DLGAP1: variants seen among roughly 807,000 people sequenced by gnomAD.
The protein encoded by DLGAP1 is disks large-associated protein 1.
DLGAP1 carries 11 observed loss-of-function variants against 90.8 expected under a neutral mutation model. The observed-to-expected ratio is 0.12, with a 90% CI of 0.08 to 0.20. The LOEUF is 0.20. Ranked by LOEUF, DLGAP1 falls within the 10% of genes least tolerant of loss-of-function variation. The probability of loss-of-function intolerance (pLI) is 1.00; values close to 1 mark genes in which losing one functional copy is unlikely to be tolerated. For missense variants in DLGAP1, 1,050 were observed against 1,333.8 expected (o/e 0.79, Z 3.31); for synonymous variants, 558 against 540.7 (o/e 1.03, Z -0.44).
chr18:4,001,883 C>T (rs1036438108), intron 3 of DLGAP1, among the ~76,000 whole-genome samples: 1 of 152,142 alleles, frequency 6.6e-6, no homozygotes, highest in African/African-American at 2.4e-5. Flanking sequence ...CAGAGTGGCC[C>T]ACCAAGCCTT....
At chr18:4,291,671 A>T (rs2079852983) in intron 1 of DLGAP1, among the ~76,000 whole-genome samples, 1 of 152,186 alleles carries the variant, frequency 6.6e-6, no homozygotes, top group Non-Finnish European at 1.5e-5. Context: ...ATGAGAAATA[A>T]GATGCTATAT....
intron 4 of DLGAP1, among the ~76,000 whole-genome samples, chr18:3,848,127 C>CAAAAAAAAAAAAAAAAAAAA (rs3862177): frequency 6.2e-5 from 2 of 32,078 alleles, no homozygotes; most frequent in African/African-American, 1.7e-4. Flanking sequence ...GGCCCCGTCT[C>CAAAAAAAAAAAAAAAAAAAA]AAAAAAAAAA....
chr18:4,334,575 G>C (rs142539475), intron 1 of DLGAP1, among the ~76,000 whole-genome samples: 25 of 151,930 alleles, frequency 1.6e-4, no homozygotes, highest in African/African-American at 6.1e-4. Context: ...TTAGGGATGG[G>C]TCATGTGTCT....
At chr18:4,210,011 T>C (rs999650864) in intron 1 of DLGAP1, among the ~76,000 whole-genome samples, 2 of 152,236 alleles carry the variant, frequency 1.3e-5, no homozygotes, top group East Asian at 3.9e-4. Flanking sequence ...CATGCCCTAA[T>C]TCAGCTTAAA....
intron 5 of DLGAP1, among the ~76,000 whole-genome samples, chr18:3,799,617 G>C (rs534612099): frequency 6.6e-6 from 1 of 152,052 alleles, no homozygotes; most frequent in South Asian, 2.1e-4. Flanking sequence ...GCTAGACAGA[G>C]GCTTGCCAAG....
chr18:3,604,811 C>A (rs1397471207), intron 7 of DLGAP1, among the ~76,000 whole-genome samples: 2 of 152,162 alleles, frequency 1.3e-5, no homozygotes, highest in Non-Finnish European at 2.9e-5. Context: ...TGCAGTTTCA[C>A]CATTTAGAAA....
chr18:4,152,357 T>C (rs1201372308), intron 1 of DLGAP1, among the ~76,000 whole-genome samples: 3 of 152,134 alleles, frequency 2.0e-5, no homozygotes, highest in Admixed American at 1.3e-4. Context: ...ATTATAAGAA[T>C]TATAGTGCTT....
chr18:3,621,342 G>T (rs974430516), intron 7 of DLGAP1, among the ~76,000 whole-genome samples: 25 of 152,232 alleles, frequency 1.6e-4, no homozygotes, highest in African/African-American at 6.0e-4. Flanking sequence ...AAGAAGGCTT[G>T]AGGATAGGAG....
rs563365436 is a variant in DLGAP1, at chr18:3,768,470, G to A, written c.1173-25958C>T. Among the ~76,000 whole-genome samples, 20 of 152,188 alleles carry A rather than the reference G, an allele frequency of 1.3e-4. No individual in the cohort carries two copies. In the South Asian group the frequency reaches 1.5e-3, roughly 11 times the overall value. On this transcript the variant is annotated intron_variant, in intron 5 of 12. Transcript: ENST00000315677. ...GATTTTTTAAAAATTTGTATGGAAAGTCAAAGGAACAAGAATAGCTAAAAC... is the reference window on the plus strand; with the variant it reads ...GATTTTTTAAAAATTTGTATGGAAAATCAAAGGAACAAGAATAGCTAAAAC...
At chr18:3,836,194 A>G (rs2068369382) in intron 4 of DLGAP1, among the ~76,000 whole-genome samples, 1 of 152,194 alleles carries the variant, frequency 6.6e-6, no homozygotes, top group Admixed American at 6.5e-5. Flanking sequence ...CAGTGTTCCA[A>G]TCTTGGTAGC....
intron 4 of DLGAP1, among the ~76,000 whole-genome samples, chr18:3,828,855 C>T (rs2067880328): frequency 6.6e-6 from 1 of 151,932 alleles, no homozygotes; most frequent in African/African-American, 2.4e-5. Context: ...CTAACAATGT[C>T]TTAGAATTTT....
In DLGAP1 at chr18:3,729,482, T is replaced by C; in HGVS notation, c.1351-107A>G. On this transcript the variant is annotated intron_variant, in intron 6 of 12. Coordinates refer to ENST00000315677, the MANE Select transcript of DLGAP1 (RefSeq NM_004746.4). This position sits in a 1 kb window ranked among gnomAD's most constrained non-coding sequence, Gnocchi z 6.2. ...CCCAGAAGAAAAAGCAGCGTCTGGTTAGATTAAGCTCAAATGCATTTTATT... is the reference window on the plus strand; with the variant it reads ...CCCAGAAGAAAAAGCAGCGTCTGGTCAGATTAAGCTCAAATGCATTTTATT... The C allele has an allele frequency of 7.0e-7, 1 of 1,434,646 alleles. No individual in the cohort carries two copies. The highest frequency in any genetic ancestry group is 9.4e-7 in the Non-Finnish European group (1 of 1,068,328). 88.9% of individuals were successfully genotyped at this position (1,434,646 alleles called of 1,614,324 possible).
intron 7 of DLGAP1, among the ~76,000 whole-genome samples, chr18:3,642,867 C>CA (rs1275060797): frequency 2.0e-5 from 3 of 152,140 alleles, no homozygotes; most frequent in African/African-American, 7.2e-5. Context: ...GGTACAGCCC[C>CA]TTGGGAGGGG....
At chr18:4,052,728 G>A (rs530713967) in intron 2 of DLGAP1, among the ~76,000 whole-genome samples, 128 of 152,236 alleles carry the variant, frequency 8.4e-4, no homozygotes, top group African/African-American at 2.9e-3. Flanking sequence ...GCATCATCAG[G>A]CTGCAAATTT....
intron 7 of DLGAP1, among the ~76,000 whole-genome samples, chr18:3,586,274 G>A (rs1018133487): frequency 6.6e-6 from 1 of 152,144 alleles, no homozygotes; most frequent in East Asian, 1.9e-4. Flanking sequence ...TATACGGAGG[G>A]ACATTACTCA....
intron 8 of DLGAP1, among the ~76,000 whole-genome samples, chr18:3,576,176 G>A (rs543873603): frequency 5.9e-5 from 9 of 152,118 alleles, no homozygotes; most frequent in South Asian, 2.1e-4. Flanking sequence ...GAAGGTGGAA[G>A]AAGAGAAGAA....
chr18:4,156,603 TACTC>T (rs1400288667), intron 1 of DLGAP1, among the ~76,000 whole-genome samples: 4 of 152,194 alleles, frequency 2.6e-5, no homozygotes, highest in Non-Finnish European at 4.4e-5. Context: ...TTGATAATCA[TACTC>T]AGTAAGTCAT....
At chr18:3,741,234 C>CCACAT (rs2062996866) in intron 6 of DLGAP1, among the ~76,000 whole-genome samples, 2 of 126,896 alleles carry the variant, frequency 1.6e-5, no homozygotes, top group Non-Finnish European at 3.3e-5. Flanking sequence ...ACCATCACCA[C>CCACAT]CACCACCATC....
chr18:4,022,408 T>TACAC (rs10626913), intron 2 of DLGAP1, among the ~76,000 whole-genome samples: 35,106 of 148,990 alleles, frequency 0.24, 4,526 homozygotes, highest in South Asian at 0.41. Context: ...TTCTACCTTT[T>TACAC]ACACACACAC....
Sources: gnomAD v4.1 joint callset for allele counts (sites outside exome capture counted in the v4.1 genomes callset) on GRCh38, gnomAD v4.1.1 for gene constraint, Gnocchi (gnomAD v3.1) non-coding constraint, MANE v1.5 for transcripts, NCBI Gene and HGNC (gene_info 2026-07-23, HGNC 2026-07-21) for gene names.